Variants in NPAS3 observed in about 807,000 individuals in gnomAD.
The protein encoded by NPAS3 is neuronal PAS domain-containing protein 3.
In NPAS3, 14 loss-of-function variants were observed where a neutral mutation model predicts 73.1. The ratio of observed to expected loss-of-function variants is 0.19; its 90% CI spans 0.13 to 0.30. The LOEUF (loss-of-function observed/expected upper bound fraction) is 0.30, where lower values mean the gene tolerates loss of function less well. NPAS3 is among the 10% of genes least tolerant of loss of function. The pLI is 1.00. For missense variants in NPAS3, 1,096 were observed against 1,250.0 expected (o/e 0.88, Z 1.86); for synonymous variants, 620 against 541.5 (o/e 1.14, Z -2.01).
chr14:33,107,378 CA>C (rs977840778), intron 2 of NPAS3, among the ~76,000 whole-genome samples: 37 of 151,716 alleles, frequency 2.4e-4, no homozygotes, highest in Non-Finnish European at 4.0e-4. Context: ...TAGTACTCAA[CA>C]GGCGGTTTTT....
At chr14:33,715,227 T>C (rs559704163) in intron 6 of NPAS3, among the ~76,000 whole-genome samples, 50 of 152,328 alleles carry the variant, frequency 3.3e-4, no homozygotes, top group African/African-American at 1.1e-3. Flanking sequence ...CTGGCTCTGA[T>C]TGTGCCTTTC....
intron 5 of NPAS3, among the ~76,000 whole-genome samples, chr14:33,639,734 T>C (rs1176156708): frequency 1.3e-5 from 2 of 152,198 alleles, no homozygotes; most frequent in East Asian, 3.8e-4. Flanking sequence ...TTTATGAATC[T>C]GCTTTCTTAC....
chr14:33,712,338 AAC>A (rs1018567243), intron 6 of NPAS3, among the ~76,000 whole-genome samples: 2 of 152,192 alleles, frequency 1.3e-5, no homozygotes, highest in African/African-American at 4.8e-5. Flanking sequence ...ATTCTATAAT[AAC>A]ACACACGCAT....
chr14:33,385,895 G>A (rs1203167930), intron 4 of NPAS3, among the ~76,000 whole-genome samples: 2 of 152,268 alleles, frequency 1.3e-5, no homozygotes, highest in South Asian at 2.1e-4. Context: ...AATCACTGAC[G>A]CTGGCCTTAT....
chr14:33,794,161 G>A, intron 10 of NPAS3, 117 bp downstream of exon 10: 1 of 839,288 alleles, frequency 1.2e-6, no homozygotes, highest in Non-Finnish European at 1.8e-6. Context: ...TACCTGGTGT[G>A]GAATTTCATG....
chr14:32,951,810 G>T (rs2139146565), intron 1 of NPAS3, among the ~76,000 whole-genome samples: 1 of 152,104 alleles, frequency 6.6e-6, no homozygotes, highest in Admixed American at 6.5e-5. Flanking sequence ...AACTACAACA[G>T]TTATTTATTT....
chr14:33,122,198 T>C (rs2043255009), intron 2 of NPAS3, among the ~76,000 whole-genome samples: 1 of 152,180 alleles, frequency 6.6e-6, no homozygotes, highest in African/African-American at 2.4e-5. Context: ...CATGCTCTTG[T>C]ACATTTACAC....
intron 3 of NPAS3, among the ~76,000 whole-genome samples, chr14:33,276,726 A>T (rs937842874): frequency 6.6e-6 from 1 of 152,128 alleles, no homozygotes; most frequent in African/African-American, 2.4e-5. Context: ...CTTGGCATAT[A>T]GAAGGTAATT....
Position 33,263,827 on chromosome 14 carries a change from G to A in NPAS3, c.385+48401G>A, listed in dbSNP as rs561019693. 7.1e-3 allele frequency among the ~76,000 whole-genome samples: 1,075 copies of A among 152,102 alleles called. 14 individuals carry two copies. The highest frequency in any genetic ancestry group is 0.024 in the African/African-American group (1,009 of 41,464). The stretch of plus-strand genomic sequence containing the variant: ...AGTGGTTTGTAGTTCTCCTTGAAGA[G>A]GTCCTTCACATCCCTTGTAAGTTGG... On this transcript the variant is annotated intron_variant, in intron 3 of 11. Transcript: ENST00000356141.
At chr14:33,485,218 C>G (rs760535034) in intron 4 of NPAS3, among the ~76,000 whole-genome samples, 30 of 152,236 alleles carry the variant, frequency 2.0e-4, no homozygotes, top group Non-Finnish European at 3.5e-4. Context: ...GTGTAAAAGT[C>G]TGCCGCATCC....
intron 3 of NPAS3, among the ~76,000 whole-genome samples, chr14:33,311,283 G>A (rs1182500155): frequency 6.6e-6 from 1 of 152,088 alleles, no homozygotes; most frequent in Non-Finnish European, 1.5e-5. Context: ...ACAGTGCAGT[G>A]AGCACCCACA....
At chr14:32,976,128 GA>G (rs2037667015) in intron 1 of NPAS3, among the ~76,000 whole-genome samples, 1 of 152,134 alleles carries the variant, frequency 6.6e-6, no homozygotes, top group South Asian at 2.1e-4. Context: ...AGTCGGGCAA[GA>G]GTGGAGATTG....
At chr14:33,054,234 G>A (rs1337923395) in intron 1 of NPAS3, among the ~76,000 whole-genome samples, 2 of 152,038 alleles carry the variant, frequency 1.3e-5, no homozygotes, top group African/African-American at 4.8e-5. Flanking sequence ...ATGCCACATG[G>A]GTTAATGTAA....
chr14:33,663,178 G>T (rs1314478076), intron 5 of NPAS3, among the ~76,000 whole-genome samples: 6 of 152,098 alleles, frequency 3.9e-5, no homozygotes, highest in Non-Finnish European at 8.8e-5. Flanking sequence ...TCCAGCTTTT[G>T]CCCATTCAGT....
At chr14:33,515,033 T>C (rs1031044143) in intron 4 of NPAS3, among the ~76,000 whole-genome samples, 1 of 152,112 alleles carries the variant, frequency 6.6e-6, no homozygotes, top group Non-Finnish European at 1.5e-5. Context: ...ACTTGCCCAA[T>C]GTTACACAGC....
chr14:33,404,348 C>A (rs949362223), intron 4 of NPAS3, among the ~76,000 whole-genome samples: 1 of 152,012 alleles, frequency 6.6e-6, no homozygotes, highest in Admixed American at 6.6e-5. Flanking sequence ...TTGGAAGGAG[C>A]CTCTGGTAGC....
At chr14:32,990,933 A>G (rs1215795424) in intron 1 of NPAS3, among the ~76,000 whole-genome samples, 1 of 148,362 alleles carries the variant, frequency 6.7e-6, no homozygotes, top group Non-Finnish European at 1.5e-5. Context: ...AAAAACAAAA[A>G]CAAAAACAAA....
chr14:33,183,369 T>TGAGCTGA lies in NPAS3; in HGVS notation c.141-31810_141-31804dup, dbSNP rs535016360. 1.7e-4 allele frequency among the ~76,000 whole-genome samples: 24 copies of TGAGCTGA among 143,890 alleles called. No individual in the cohort carries two copies. In the East Asian group the frequency reaches 3.1e-3, roughly 19 times the overall value. 94.4% of individuals were successfully genotyped at this position (143,890 alleles called of 152,430 possible). On this transcript the variant is annotated intron_variant, in intron 2 of 11. Transcript: ENST00000356141. ...GGAGCCTGGGAGGCGGAGGTTGCAG[T>TGAGCTGA]GAGCTGAGATTACACCAGTGCACTC...
chr14:33,560,583 A>G (rs895360106), intron 5 of NPAS3, among the ~76,000 whole-genome samples: 1 of 152,192 alleles, frequency 6.6e-6, no homozygotes, highest in African/African-American at 2.4e-5. Context: ...ACCCTGCATT[A>G]TCCTGGGAGC....
Sources: gnomAD v4.1 joint callset for allele counts (sites outside exome capture counted in the v4.1 genomes callset) on GRCh38, gnomAD v4.1.1 for gene constraint, MANE v1.5 for transcripts, NCBI Gene and HGNC (gene_info 2026-07-23, HGNC 2026-07-21) for gene names.